Variants in EHMT1 observed in about 807,000 individuals in gnomAD.
The protein encoded by EHMT1 is histone-lysine N-methyltransferase EHMT1.
Under a neutral mutation model 147.2 loss-of-function variants are expected in EHMT1, and 15 were observed. That is an observed-to-expected ratio of 0.10 (90% CI 0.07 to 0.16). The LOEUF (loss-of-function observed/expected upper bound fraction) is 0.16, where lower values mean the gene tolerates loss of function less well. Among genes scored for constraint, EHMT1 ranks in the 10% least tolerant of loss-of-function variants. EHMT1 has a pLI of 1.00. For synonymous variants in EHMT1, 795 were observed against 709.6 expected, an observed-to-expected ratio of 1.12 and a Z score of -1.91; for missense variants, 1,587 against 1,772.4, an observed-to-expected ratio of 0.90 and a Z score of 1.88.
chr9:137,669,376 TGGACTC>T (rs1564562635), intron 1 of EHMT1, among the ~76,000 whole-genome samples: 10 of 4,684 alleles, frequency 2.1e-3, no homozygotes, highest in East Asian at 9.8e-3. Flanking sequence ...GCACGTGCAC[TGGACTC>T]CACCCAAGAC....
In EHMT1 at chr9:137,768,861, A is replaced by G. The variant is rs568867205; in HGVS notation, c.1647+6041A>G. On this transcript the variant is annotated intron_variant, in intron 10 of 26. Transcript: ENST00000460843. The stretch of plus-strand genomic sequence containing the variant: ...CACCGCGCCCAGCCTAATTTTTTGT[A>G]TTTTTAGTAGAGACGGGGTTTCCCC... 1.4e-3 allele frequency among the ~76,000 whole-genome samples: 216 copies of G among 150,920 alleles called. 1 individual carries two copies. The highest frequency in any genetic ancestry group is 5.0e-3 in the African/African-American group (207 of 41,004).
chr9:137,775,335 C>T lies in EHMT1; in HGVS notation c.1791+83C>T. On this transcript the variant is annotated intron_variant, in intron 11 of 26. Coordinates refer to ENST00000460843, the MANE Select transcript of EHMT1 (RefSeq NM_024757.5). The surrounding 1 kb of genome is among the most constrained non-coding windows in gnomAD (Gnocchi z 6.1). ...GGTGCTGGTTCCTGTCCTGTGTCCA[C>T]CTGCTGTCGGGTGGTCCAGCAGCTG... 1.9e-6 allele frequency: 3 copies of T among 1,563,390 alleles called. No individual in the cohort carries two copies. Among genetic ancestry groups the T allele is most frequent in the Non-Finnish European group, 2.6e-6 (3 of 1,159,336 alleles).
At chr9:137,825,843 G>T (rs577951094) in intron 25 of EHMT1, among the ~76,000 whole-genome samples, 1 of 152,260 alleles carries the variant, frequency 6.6e-6, no homozygotes, top group East Asian at 1.9e-4. Flanking sequence ...CACCGGCGGG[G>T]CTGCCCAGTG....
At position 137,754,101 on chromosome 9, in the gene EHMT1, T is replaced by G; in HGVS notation, c.1249-70T>G. The G allele has an allele frequency of 2.5e-6, 4 of 1,610,372 alleles. No individual in the cohort carries two copies. The East Asian group carries it at 8.9e-5, about 36-fold the overall frequency. The stretch of plus-strand genomic sequence containing the variant: ...AGTGTTCTGTTTTGCAAGAAAACAC[T>G]TGTAGTGCTCTTGCCTTCCGTAGCT... On this transcript the variant is annotated intron_variant, in intron 7 of 26. Coordinates refer to ENST00000460843, the MANE Select transcript of EHMT1 (RefSeq NM_024757.5).
intron 3 of EHMT1, among the ~76,000 whole-genome samples, chr9:137,721,011 C>T (rs530030142): frequency 7.4e-6 from 1 of 134,436 alleles, no homozygotes; most frequent in Admixed American, 8.5e-5. Context: ...CCCTCCTCGC[C>T]GGCGTCCTCG....
At chr9:137,763,070 T>C in intron 10 of EHMT1, 4 of 610,744 alleles carry the variant, frequency 6.5e-6, no homozygotes, top group Non-Finnish European at 8.7e-6. Context: ...TGGCCTGTTG[T>C]ATTTCTTTTT....
At chr9:137,724,951 C>CGTGTGGCATTCCTGTGGCAGTT (rs879333880) in intron 3 of EHMT1, among the ~76,000 whole-genome samples, 6 of 143,364 alleles carry the variant, frequency 4.2e-5, no homozygotes, top group African/African-American at 1.6e-4. Flanking sequence ...GTGGGGCAGG[C>CGTGTGGCATTCCTGTGGCAGTT]GTGTGGCATT....
intron 16 of EHMT1, chr9:137,792,366 A>G: frequency 4.0e-6 from 1 of 252,816 alleles, no homozygotes; most frequent in Non-Finnish European, 8.1e-6. Flanking sequence ...ATCCACATCC[A>G]GAAGCGTGAG....
rs192860106 is a variant in EHMT1 at position 137,687,788 on chromosome 9, A to G, written c.22-23179A>G. 2.5e-4 allele frequency among the ~76,000 whole-genome samples: 38 copies of G among 152,356 alleles called. No individual in the cohort carries two copies. In the East Asian group the frequency reaches 6.5e-3, roughly 26 times the overall value. ...TTCCGAGCCTCCAGAACTTAAACAA[A>G]TAAATTTCTGTTGGGTCTGTGCCAC... is the stretch of plus-strand genomic sequence containing the variant. On this transcript the variant is annotated intron_variant, in intron 1 of 26. Transcript: ENST00000460843.
At chr9:137,651,313 T>A (rs1166150086) in intron 1 of EHMT1, among the ~76,000 whole-genome samples, 1 of 152,226 alleles carries the variant, frequency 6.6e-6, no homozygotes, top group Non-Finnish European at 1.5e-5. Context: ...TGTGTCCTAT[T>A]TTAGAAACAC....
intron 1 of EHMT1, among the ~76,000 whole-genome samples, chr9:137,709,338 C>T (rs1335077833): frequency 1.3e-5 from 2 of 152,182 alleles, no homozygotes; most frequent in Non-Finnish European, 2.9e-5. Flanking sequence ...CCATGAGCAG[C>T]TGGGCTGCTG....
At chr9:137,683,835 A>G (rs545687488) in intron 1 of EHMT1, among the ~76,000 whole-genome samples, 1 of 152,220 alleles carries the variant, frequency 6.6e-6, no homozygotes, top group South Asian at 2.1e-4. Context: ...TTTCAAAATC[A>G]AATCCCATTC....
chr9:137,648,782 C>T (rs144711579), intron 1 of EHMT1, among the ~76,000 whole-genome samples: 45 of 152,288 alleles, frequency 3.0e-4, no homozygotes, highest in African/African-American at 1.0e-3. Context: ...TCCTGCCTTC[C>T]CCTCTCAAAT....
intron 1 of EHMT1, among the ~76,000 whole-genome samples, chr9:137,620,316 T>C (rs938414224): frequency 2.0e-5 from 3 of 152,246 alleles, no homozygotes; most frequent in African/African-American, 7.2e-5. Context: ...AAGTACCCAC[T>C]GGATCCCACA....
At chr9:137,742,502 A>T (rs1486074488) in intron 4 of EHMT1, among the ~76,000 whole-genome samples, 1 of 152,092 alleles carries the variant, frequency 6.6e-6, no homozygotes, top group African/African-American at 2.4e-5. Context: ...AGTTTCTTTT[A>T]TGTTAAAGCA....
chr9:137,761,926 G>C (rs1949854927), intron 9 of EHMT1, among the ~76,000 whole-genome samples: 1 of 152,228 alleles, frequency 6.6e-6, no homozygotes. Flanking sequence ...GGGTCTTCCT[G>C]GCGGTGCCCT....
At chr9:137,825,096 C>A (rs1296069397) in intron 25 of EHMT1, among the ~76,000 whole-genome samples, 2 of 152,192 alleles carry the variant, frequency 1.3e-5, no homozygotes, top group Non-Finnish European at 2.9e-5. Flanking sequence ...AGGATGAGGC[C>A]TCTGCTTCCT....
intron 1 of EHMT1, among the ~76,000 whole-genome samples, chr9:137,694,749 G>A (rs974811876): frequency 6.6e-6 from 1 of 152,226 alleles, no homozygotes; most frequent in Non-Finnish European, 1.5e-5. Context: ...GGAGGCTGGC[G>A]AGCAGGTGAT....
Position 137,835,132 on chromosome 9 carries a change from C to A in EHMT1, c.*179C>A. 3.0e-6 allele frequency: 2 copies of A among 677,156 alleles called. No individual in the cohort carries two copies. The highest frequency in any genetic ancestry group is 4.3e-6 in the Non-Finnish European group (2 of 461,036). 41.9% of individuals were successfully genotyped at this position (677,156 alleles called of 1,614,324 possible). A position where few individuals can be genotyped will look rare whatever the true frequency, so the allele number is the denominator to read the frequency against. On this transcript the variant is annotated 3_prime_UTR_variant, in exon 27 of 27. Coordinates refer to ENST00000460843, the MANE Select transcript of EHMT1 (RefSeq NM_024757.5). ...CGGGCGGGTGTGGATGCCTCCCAGC[C>A]ACCTTCCCAGACCTGCGGCCTCACC...
Sources: gnomAD v4.1 joint callset for allele counts (sites outside exome capture counted in the v4.1 genomes callset) on GRCh38, gnomAD v4.1.1 for gene constraint, Gnocchi (gnomAD v3.1) non-coding constraint, MANE v1.5 for transcripts, NCBI Gene and HGNC (gene_info 2026-07-23, HGNC 2026-07-21) for gene names.